CACNG3: variants seen among roughly 807,000 people sequenced by gnomAD.
The protein encoded by CACNG3 is calcium voltage-gated channel auxiliary subunit gamma 3.
A neutral mutation model predicts 28.5 loss-of-function variants in CACNG3; 3 were observed. The ratio of observed to expected loss-of-function variants is 0.11; its 90% CI spans 0.05 to 0.27. The LOEUF (loss-of-function observed/expected upper bound fraction) is 0.27. CACNG3 is among the 10% of genes least tolerant of loss of function. The probability of loss-of-function intolerance (pLI) is 1.00; values close to 1 mark genes in which losing one functional copy is unlikely to be tolerated. For synonymous variants in CACNG3, 174 were observed against 162.2 expected, an observed-to-expected ratio of 1.07 and a Z score of -0.55; for missense variants, 236 against 414.4, an observed-to-expected ratio of 0.57 and a Z score of 3.74.
intron 1 of CACNG3, among the ~76,000 whole-genome samples, chr16:24,302,188 T>C (rs1596634219): frequency 6.6e-6 from 1 of 152,246 alleles, no homozygotes; most frequent in Non-Finnish European, 1.5e-5. Context: ...CTCCAATCCA[T>C]GTTCCACAAT....
intron 1 of CACNG3, among the ~76,000 whole-genome samples, chr16:24,283,290 G>A (rs1898853824): frequency 6.6e-6 from 1 of 152,076 alleles, no homozygotes; most frequent in Admixed American, 6.6e-5. Flanking sequence ...GCTTATTTGG[G>A]AATGATCGAC....
chr16:24,276,269 A>G (rs1898752685), intron 1 of CACNG3, among the ~76,000 whole-genome samples: 1 of 152,254 alleles, frequency 6.6e-6, no homozygotes, highest in Admixed American at 6.5e-5. Flanking sequence ...ATTTATGTTA[A>G]CATGCAATTG....
intron 1 of CACNG3, among the ~76,000 whole-genome samples, chr16:24,303,344 G>GTATTTATT (rs35148228): frequency 0.01 from 1,559 of 149,988 alleles, 20 homozygotes; most frequent in South Asian, 0.038. Flanking sequence ...CTCTATGTGT[G>GTATTTATT]TATTTATTTA....
chr16:24,313,073 GAGGAAGGAAGGAAGGA>G (rs71154300), intron 1 of CACNG3, among the ~76,000 whole-genome samples: 1 of 137,922 alleles, frequency 7.3e-6, no homozygotes, highest in African/African-American at 2.8e-5. Context: ...GCGAGGGAGG[GAGGAAGGAAGGAAGGA>G]AGGAAGGAAG....
At position 24,312,920 on chromosome 16, in the gene CACNG3, G is replaced by GAAGGAAGAAAGAAAGA. The variant is rs1405298888; in HGVS notation, c.212-33811_212-33810insGAAGAAAGAAAGAAAG. 2.5e-3 allele frequency among the ~76,000 whole-genome samples: 305 copies of GAAGGAAGAAAGAAAGA among 122,094 alleles called. 3 individuals carry two copies. The highest frequency in any genetic ancestry group is 8.4e-3 in the African/African-American group (258 of 30,622). 80.1% of individuals were successfully genotyped at this position (122,094 alleles called of 152,430 possible). ...GGAAAGAAAGAAGGAAGGAAGGAAGGAAGAAAGAAAGAAAGAAAGAAAGAA... is the reference window on the plus strand; with the variant it reads ...GGAAAGAAAGAAGGAAGGAAGGAAGGAAGGAAGAAAGAAAGAAAGAAAGAAAGAAAGAAAGAAAGAA... On this transcript the variant is annotated intron_variant, in intron 1 of 3. Transcript: ENST00000005284.
At chr16:24,329,484 G>C (rs1038969486) in intron 1 of CACNG3, among the ~76,000 whole-genome samples, 5 of 152,160 alleles carry the variant, frequency 3.3e-5, no homozygotes, top group African/African-American at 1.2e-4. Context: ...TCTTTATACA[G>C]ACAGTTAAAC....
At chr16:24,299,180 C>T (rs930426968) in intron 1 of CACNG3, among the ~76,000 whole-genome samples, 2 of 152,128 alleles carry the variant, frequency 1.3e-5, no homozygotes, top group African/African-American at 2.4e-5. Flanking sequence ...TTCTTCTGTA[C>T]TGGAAATGTG....
In CACNG3 at chr16:24,361,628, G is replaced by A. The variant is rs746746638; in HGVS notation, c.713G>A (p.Arg238His). 12 of 1,613,044 alleles carry A rather than the reference G, an allele frequency of 7.4e-6. No individual in the cohort carries two copies. Among genetic ancestry groups the A allele is most frequent in the Non-Finnish European group, 9.3e-6 (11 of 1,179,722 alleles). The change falls in exon 4 of 4, where the codon CGC becomes CAC. Residue 238 changes from arginine to histidine, a missense_variant. This residue lies in a region of CACNG3 where 116 missense variants were observed against 151.0 expected (regional missense o/e 0.77). Coordinates refer to ENST00000005284, the MANE Select transcript of CACNG3 (RefSeq NM_006539.4). This position sits in a 1 kb window ranked among gnomAD's most constrained non-coding sequence, Gnocchi z 6.8. ...CGATTCCGGAGGCGGTCAAGTTCTC[G>A]CTCCACCGAGCCCAGATCCCGAGAC... ...RYRFRRRSSSRSTEPRSRDLS... is the reference protein window; with the variant it reads ...RYRFRRRSSSHSTEPRSRDLS...
chr16:24,342,973 T>G (rs1319944670), intron 1 of CACNG3, among the ~76,000 whole-genome samples: 1 of 152,098 alleles, frequency 6.6e-6, no homozygotes, highest in East Asian at 1.9e-4. Context: ...GTGGATCAGC[T>G]GAGGCCAGGA....
At chr16:24,349,126 C>G (rs916181810) in intron 2 of CACNG3, among the ~76,000 whole-genome samples, 8 of 152,240 alleles carry the variant, frequency 5.3e-5, no homozygotes, top group Non-Finnish European at 8.8e-5. Flanking sequence ...GCAGGGTTCT[C>G]CCTGCCTGGC....
At chr16:24,320,218 G>A (rs548865390) in intron 1 of CACNG3, among the ~76,000 whole-genome samples, 6 of 152,288 alleles carry the variant, frequency 3.9e-5, no homozygotes, top group South Asian at 2.1e-4. Context: ...ACTCAGATGC[G>A]TTTCAGAAAT....
At position 24,303,159 on chromosome 16, in the gene CACNG3, C is replaced by G. The variant is rs536670145; in HGVS notation, c.212-43575C>G. 3.3e-5 allele frequency among the ~76,000 whole-genome samples: 5 copies of G among 152,134 alleles called. No homozygotes were observed. In the East Asian group the frequency reaches 9.7e-4, roughly 29 times the overall value. ...ACTGGGCCTAAAAACAACTGCTTTG[C>G]CCCATCTTCCCCTTCCCTCTCCAGC... On this transcript the variant is annotated intron_variant, in intron 1 of 3. Transcript: ENST00000005284.
intron 1 of CACNG3, among the ~76,000 whole-genome samples, chr16:24,257,333 G>A (rs1339535890): frequency 7.2e-6 from 1 of 138,200 alleles, no homozygotes; most frequent in East Asian, 2.2e-4. Flanking sequence ...GGGGAGGGAA[G>A]GGAGGAGAAG....
At chr16:24,268,131 T>C (rs1028760836) in intron 1 of CACNG3, among the ~76,000 whole-genome samples, 57 of 152,236 alleles carry the variant, frequency 3.7e-4, no homozygotes, top group African/African-American at 1.3e-3. Context: ...AAAATGCACA[T>C]AGTTAGTAAA....
intron 1 of CACNG3, among the ~76,000 whole-genome samples, chr16:24,327,705 G>A (rs1019041747): frequency 1.3e-5 from 2 of 152,022 alleles, no homozygotes; most frequent in East Asian, 1.9e-4. Context: ...GCTTTGGGGG[G>A]CTGAGACAGG....
intron 1 of CACNG3, among the ~76,000 whole-genome samples, chr16:24,260,729 A>T (rs76125267): frequency 0.038 from 5,740 of 152,304 alleles, 360 homozygotes; most frequent in African/African-American, 0.13. Flanking sequence ...CCAGACACAC[A>T]CAAACTTAGA....
At chr16:24,319,320 TTGAG>T (rs1309985199) in intron 1 of CACNG3, among the ~76,000 whole-genome samples, 2 of 152,322 alleles carry the variant, frequency 1.3e-5, no homozygotes, top group East Asian at 3.9e-4. Context: ...TGTAATTGTT[TTGAG>T]ATAGTTATCC....
At chr16:24,341,895 G>A (rs889521862) in intron 1 of CACNG3, among the ~76,000 whole-genome samples, 12 of 152,250 alleles carry the variant, frequency 7.9e-5, no homozygotes, top group Non-Finnish European at 1.2e-4. Flanking sequence ...CTCCCGCATG[G>A]AAATGTGAGA....
At chr16:24,293,072 A>G (rs879106103) in intron 1 of CACNG3, among the ~76,000 whole-genome samples, 1 of 152,250 alleles carries the variant, frequency 6.6e-6, no homozygotes, top group Admixed American at 6.5e-5. Flanking sequence ...TTGTGTAGAC[A>G]TGATCATTCA....
Sources: gnomAD v4.1 joint callset for allele counts (sites outside exome capture counted in the v4.1 genomes callset) on GRCh38, gnomAD v4.1.1 for gene constraint, gnomAD v4.1.1 regional missense constraint, Gnocchi (gnomAD v3.1) non-coding constraint, MANE v1.5 for transcripts, NCBI Gene and HGNC (gene_info 2026-07-23, HGNC 2026-07-21) for gene names.